The following PRRC2B variants were observed in gnomAD, a reference collection of about 807,000 sequenced individuals.
PRRC2B encodes protein PRRC2B.
In PRRC2B, 68 loss-of-function variants were observed where a neutral mutation model predicts 242.3. The ratio of observed to expected loss-of-function variants is 0.28; its 90% CI spans 0.23 to 0.34. The LOEUF is 0.34. Among genes scored for constraint, PRRC2B ranks in the 10% least tolerant of loss-of-function variants. PRRC2B has a pLI of 1.00. For synonymous variants in PRRC2B, 1,228 were observed against 1,173.6 expected (o/e 1.05, Z -0.95); for missense variants, 2,835 against 2,954.8 (o/e 0.96, Z 0.94).
chr9:131,493,583 A>T (rs1214615584), intron 30 of PRRC2B, among the ~76,000 whole-genome samples: 1 of 152,266 alleles, frequency 6.6e-6, no homozygotes, highest in African/African-American at 2.4e-5. Context: ...TCTTTGGAGC[A>T]TATTTAGAAA....
chr9:131,495,932 C>T lies in PRRC2B; in HGVS notation c.*58C>T, dbSNP rs537333964. The T allele has an allele frequency of 2.9e-5, 46 of 1,571,066 alleles. No homozygotes were observed. In the Admixed American group the frequency reaches 5.1e-4, roughly 17 times the overall value. On this transcript the variant is annotated 3_prime_UTR_variant, in exon 32 of 32. Coordinates refer to ENST00000683519, the MANE Select transcript of PRRC2B (RefSeq NM_013318.4). ...TGAGGACGGTGCCGCCATGCGGCCTCGACACAGCCGACACTCGGGAGCCTC... is the reference window on the plus strand; with the variant it reads ...TGAGGACGGTGCCGCCATGCGGCCTTGACACAGCCGACACTCGGGAGCCTC...
intron 1 of PRRC2B, among the ~76,000 whole-genome samples, chr9:131,427,027 G>A (rs998666872): frequency 6.6e-6 from 1 of 152,238 alleles, no homozygotes; most frequent in African/African-American, 2.4e-5. Flanking sequence ...AGGGCACAGT[G>A]TCGGCCCCTG....
intron 9 of PRRC2B, among the ~76,000 whole-genome samples, chr9:131,450,205 C>A (rs1942867059): frequency 6.6e-6 from 1 of 152,044 alleles, no homozygotes; most frequent in Admixed American, 6.6e-5. Flanking sequence ...TACAAAGGGC[C>A]TGCGGGCATT....
rs1158876495 is a variant in PRRC2B, at chr9:131,475,110, C to T, written c.2981C>T (p.Ser994Phe). ...GATGAGGACGAAGAGAACGATGCCTCTCTGGCCAACTCCTCCACCACCACT... is the reference window on the plus strand; with the variant it reads ...GATGAGGACGAAGAGAACGATGCCTTTCTGGCCAACTCCTCCACCACCACT... ...EKDEDEENDA[S>F]LANSSTTTLE... The change falls in exon 16 of 32, where the codon TCT (serine) becomes TTT (phenylalanine). Residue 994 changes from serine (S) to phenylalanine (F), a missense_variant. This residue lies in a region of PRRC2B where 1,536 missense variants were observed against 1,483.1 expected (regional missense o/e 1.04). Transcript: ENST00000683519. The T allele has an allele frequency of 5.0e-6, 8 of 1,611,796 alleles. No individual in the cohort carries two copies. Among genetic ancestry groups the T allele is most frequent in the East Asian group, 4.5e-5 (2 of 44,788 alleles).
intron 1 of PRRC2B, among the ~76,000 whole-genome samples, chr9:131,380,737 G>C (rs1017274191): frequency 1.3e-5 from 2 of 151,698 alleles, no homozygotes; most frequent in African/African-American, 4.8e-5. Flanking sequence ...AATTAGCTGG[G>C]CATGGTAGCA....
intron 10 of PRRC2B, among the ~76,000 whole-genome samples, chr9:131,456,482 C>G (rs1292422067): frequency 6.6e-6 from 1 of 151,760 alleles, no homozygotes; most frequent in African/African-American, 2.4e-5. Flanking sequence ...ATACAAAAAA[C>G]TAGCTGGGCA....
chr9:131,469,191 A>G (rs1402142135), intron 13 of PRRC2B, among the ~76,000 whole-genome samples: 2 of 152,074 alleles, frequency 1.3e-5, no homozygotes, highest in Non-Finnish European at 2.9e-5. Flanking sequence ...AAAATTAGCC[A>G]GGCGTGGTGC....
Position 131,478,632 on chromosome 9 carries a change from G to A in PRRC2B, c.4758+13G>A. On this transcript the variant is annotated intron_variant, in intron 18 of 31. Transcript: ENST00000683519. ...GCAGGCCGTGCAGGTGAGGGGCGGA[G>A]GGTGGGGGGGCATGGGGCTGGAGGG... 2 of 1,521,758 alleles carry A rather than the reference G, an allele frequency of 1.3e-6. No homozygotes were observed. Among genetic ancestry groups the A allele is most frequent in the South Asian group, 1.1e-5 (1 of 88,364 alleles). The allele number at this position is 1,521,758 out of a possible 1,614,324, so 94.3% of individuals were successfully genotyped here. A position where few individuals can be genotyped will look rare whatever the true frequency, so the allele number is the denominator to read the frequency against.
At chr9:131,455,193 C>T (rs1564289198) in intron 10 of PRRC2B, 27 bp downstream of exon 10, 4 of 1,480,942 alleles carry the variant, frequency 2.7e-6, no homozygotes, top group Admixed American at 3.4e-5. Context: ...GCCCTATCAG[C>T]ATGAGTGCAT....
At chr9:131,395,725 A>T (rs1014480736) in intron 1 of PRRC2B, among the ~76,000 whole-genome samples, 31 of 152,216 alleles carry the variant, frequency 2.0e-4, no homozygotes, top group Non-Finnish European at 5.9e-5. Flanking sequence ...AGGCATGGAC[A>T]ATACAGAAGG....
chr9:131,473,856 G>C, intron 15 of PRRC2B, 132 bp downstream of exon 15: 1 of 652,842 alleles, frequency 1.5e-6, no homozygotes, highest in Non-Finnish European at 2.6e-6. Flanking sequence ...AGGGACTCCT[G>C]GTTCCTCTGG....
chr9:131,450,484 C>G (rs980687288), intron 9 of PRRC2B, among the ~76,000 whole-genome samples: 1 of 152,074 alleles, frequency 6.6e-6, no homozygotes, highest in Admixed American at 6.5e-5. Flanking sequence ...CCAGGCTGGT[C>G]TCGAACTCCT....
chr9:131,487,125 G>T lies in PRRC2B; in HGVS notation c.5857-42G>T. The stretch of plus-strand genomic sequence containing the variant: ...TGGGAGGGGAAGAACCACCTGGATG[G>T]GCCTTGCGGTTACCTCCCCGACCCC... On this transcript the variant is annotated intron_variant, in intron 26 of 31. Transcript: ENST00000683519. The surrounding 1 kb of genome is among the most constrained non-coding windows in gnomAD (Gnocchi z 5.3). 6.2e-7 allele frequency: 1 copy of T among 1,602,726 alleles called. No individual in the cohort carries two copies.
intron 13 of PRRC2B, among the ~76,000 whole-genome samples, chr9:131,469,441 C>T (rs758272351): frequency 6.6e-6 from 1 of 152,158 alleles, no homozygotes; most frequent in East Asian, 1.9e-4. Flanking sequence ...GGAGGTGGAG[C>T]TGGGAGATGG....
At position 131,497,611 on chromosome 9, in the gene PRRC2B, A is replaced by C. The variant is rs185904619; in HGVS notation, c.*1737A>C. 6.6e-6 allele frequency: 1 copy of C among 152,304 alleles called. No individual in the cohort carries two copies. The highest frequency in any genetic ancestry group is 1.5e-5 in the Non-Finnish European group (1 of 68,046). The allele number at this position is 152,304 out of a possible 1,614,324, so 9.4% of individuals were successfully genotyped here. A position where few individuals can be genotyped will look rare whatever the true frequency, so the allele number is the denominator to read the frequency against. The stretch of plus-strand genomic sequence containing the variant: ...TTAGGAACTGCTGAAGTAACTTCTT[A>C]CTGCTCTCACAATTCTAAGGAAGCG... On this transcript the variant is annotated 3_prime_UTR_variant, in exon 32 of 32. Transcript: ENST00000683519.
chr9:131,422,132 G>A (rs1485249198), intron 1 of PRRC2B, among the ~76,000 whole-genome samples: 1 of 152,050 alleles, frequency 6.6e-6, no homozygotes, highest in East Asian at 1.9e-4. Context: ...TTGGCTCACT[G>A]CAACCTCTGC....
Position 131,436,641 on chromosome 9 carries a change from G to C in PRRC2B, c.315G>C (p.Gln105His). 6.2e-7 allele frequency: 1 copy of C among 1,613,936 alleles called. No individual in the cohort carries two copies. Among genetic ancestry groups the C allele is most frequent in the Non-Finnish European group, 8.5e-7 (1 of 1,179,856 alleles). The change falls in exon 4 of 32, where the codon CAG becomes CAC. Residue 105 changes from glutamine (Q) to histidine (H), a missense_variant. Coordinates refer to ENST00000683519, the MANE Select transcript of PRRC2B (RefSeq NM_013318.4). ...DPKSSSATAS[Q>H]PPESLPQPGL... ...CTAGTTCCAGTGCGACGGCCTCTCA[G>C]CCGCCGGAGTCGCTGCCGCAGCCGG...
intron 3 of PRRC2B, among the ~76,000 whole-genome samples, chr9:131,433,052 C>T (rs1838232750): frequency 6.6e-6 from 1 of 152,216 alleles, no homozygotes; most frequent in African/African-American, 2.4e-5. Context: ...ACCTTGTCCC[C>T]AGTGACCACT....
At chr9:131,423,793 A>G (rs1837911061) in intron 1 of PRRC2B, among the ~76,000 whole-genome samples, 1 of 152,014 alleles carries the variant, frequency 6.6e-6, no homozygotes, top group Non-Finnish European at 1.5e-5. Context: ...GGAGAGTGTA[A>G]TTGTCCTCGT....
Sources: gnomAD v4.1 joint callset for allele counts (sites outside exome capture counted in the v4.1 genomes callset) on GRCh38, gnomAD v4.1.1 for gene constraint, gnomAD v4.1.1 regional missense constraint, Gnocchi (gnomAD v3.1) non-coding constraint, MANE v1.5 for transcripts, NCBI Gene and HGNC (gene_info 2026-07-23, HGNC 2026-07-21) for gene names.